Variants in BORCS5 observed in about 807,000 individuals in gnomAD.
BORCS5 encodes BLOC-1-related complex subunit 5.
In BORCS5, 17 loss-of-function variants were observed where a neutral mutation model predicts 22.1. That is an observed-to-expected ratio of 0.77 (90% CI 0.53 to 1.15). The LOEUF is 1.15. BORCS5 is among the 50% of genes most tolerant of loss of function. The pLI, the probability that BORCS5 is intolerant of heterozygous loss-of-function variation, is 0.00. For missense variants in BORCS5, 247 were observed against 253.2 expected (o/e 0.98, Z 0.17); for synonymous variants, 117 against 99.8 (o/e 1.17, Z -1.03).
At chr12:12,436,991 G>A (rs1459993888) in intron 3 of BORCS5, among the ~76,000 whole-genome samples, 1 of 152,140 alleles carries the variant, frequency 6.6e-6, no homozygotes, top group Non-Finnish European at 1.5e-5. Context: ...CATCATGTGA[G>A]TTTTTTGTTT....
chr12:12,452,741 G>T (rs1336793473), intron 3 of BORCS5, among the ~76,000 whole-genome samples: 1 of 152,246 alleles, frequency 6.6e-6, no homozygotes, highest in Non-Finnish European at 1.5e-5. Context: ...TGTCCATTGT[G>T]CTAGAGAGAG....
intron 3 of BORCS5, among the ~76,000 whole-genome samples, chr12:12,438,379 A>T (rs796584496): frequency 8.2e-6 from 1 of 121,500 alleles, no homozygotes. Context: ...AAAAAAAAAA[A>T]ACGAAAAACA....
chr12:12,415,442 CGGCAGGCT>C (rs1161953641), intron 2 of BORCS5, among the ~76,000 whole-genome samples: 232 of 150,566 alleles, frequency 1.5e-3, no homozygotes, highest in African/African-American at 5.3e-3. Flanking sequence ...CGCAGGCACT[CGGCAGGCT>C]GAGGCAGGAG....
intron 2 of BORCS5, among the ~76,000 whole-genome samples, chr12:12,394,459 CCTGTTTCTTGG>C (rs1183092062): frequency 6.6e-6 from 1 of 151,834 alleles, no homozygotes. Context: ...TTTGGTTTTC[CCTGTTTCTTGG>C]CTGTTCAGGG....
intron 2 of BORCS5, among the ~76,000 whole-genome samples, chr12:12,425,529 G>C (rs1166525546): frequency 1.3e-5 from 2 of 152,150 alleles, no homozygotes; most frequent in East Asian, 1.9e-4. Context: ...CCATTGTTTG[G>C]ATAATAGCCA....
intron 2 of BORCS5, among the ~76,000 whole-genome samples, chr12:12,374,266 C>T (rs1040234685): frequency 6.6e-6 from 1 of 151,802 alleles, no homozygotes; most frequent in African/African-American, 2.4e-5. Flanking sequence ...GCTGGGATTG[C>T]AGGTGTGAGC....
At chr12:12,400,643 T>C (rs564588076) in intron 2 of BORCS5, among the ~76,000 whole-genome samples, 5 of 152,154 alleles carry the variant, frequency 3.3e-5, no homozygotes, top group African/African-American at 9.6e-5. Context: ...TGTCATATTT[T>C]AATATTTTGC....
chr12:12,404,684 C>CT (rs1212236910), intron 2 of BORCS5, among the ~76,000 whole-genome samples: 1 of 152,144 alleles, frequency 6.6e-6, no homozygotes, highest in Non-Finnish European at 1.5e-5. Context: ...TGGAGAACTA[C>CT]TTTTTTGTTT....
Position 12,357,469 on chromosome 12 carries a change from C to G in BORCS5, c.18C>G (p.Ser6Arg). 1 of 1,611,338 alleles carries G rather than the reference C, an allele frequency of 6.2e-7. No homozygotes were observed. The highest frequency in any genetic ancestry group is 1.1e-5 in the South Asian group (1 of 91,014). Reference protein sequence around the residue: MGSEQSSEAESRPNDL... With the variant: MGSEQRSEAESRPNDL... ...TCGGCACCATGGGCAGTGAGCAGAG[C>G]TCCGAGGCCGAGAGCCGACCCAACG... Residue 6 changes from serine to arginine, a missense_variant, in exon 1 of 4, where the codon AGC (serine) becomes AGG (arginine). Transcript: ENST00000314565.
intron 3 of BORCS5, among the ~76,000 whole-genome samples, chr12:12,441,091 TGAGA>T (rs1233221960): frequency 6.6e-6 from 1 of 152,124 alleles, no homozygotes; most frequent in Non-Finnish European, 1.5e-5. Flanking sequence ...ACATCTGTTC[TGAGA>T]GAACAGGGAG....
At chr12:12,389,674 C>T (rs1011989670) in intron 2 of BORCS5, among the ~76,000 whole-genome samples, 3 of 151,180 alleles carry the variant, frequency 2.0e-5, no homozygotes, top group Middle Eastern at 3.2e-3. Flanking sequence ...GACAGAGTCT[C>T]GCTCTGTCGC....
At chr12:12,361,112 A>G in intron 1 of BORCS5, 94 bp from the exon 2 acceptor site, 2 of 1,258,654 alleles carry the variant, frequency 1.6e-6, no homozygotes, top group Non-Finnish European at 2.3e-6. Context: ...TACATTTTAT[A>G]AAATTATTCT....
intron 3 of BORCS5, among the ~76,000 whole-genome samples, chr12:12,438,373 AAAAAAAACGAAAAACAAC>A (rs1007851514): frequency 7.7e-6 from 1 of 129,620 alleles, no homozygotes; most frequent in African/African-American, 3.7e-5. Context: ...AAAAAAAAAA[AAAAAAAACGAAAAACAAC>A]AACAAAAACC....
intron 2 of BORCS5, among the ~76,000 whole-genome samples, chr12:12,425,569 T>A (rs115977414): frequency 6.6e-6 from 1 of 152,332 alleles, no homozygotes; most frequent in African/African-American, 2.4e-5. Context: ...TCTCATTGTG[T>A]TTTGTATTTC....
At chr12:12,382,892 G>A (rs1863804892) in intron 2 of BORCS5, among the ~76,000 whole-genome samples, 1 of 151,198 alleles carries the variant, frequency 6.6e-6, no homozygotes, top group Non-Finnish European at 1.5e-5. Context: ...AATCTAAGGT[G>A]TGTCTTTTGT....
intron 2 of BORCS5, among the ~76,000 whole-genome samples, chr12:12,419,174 C>G (rs1942050287): frequency 6.6e-6 from 1 of 152,134 alleles, no homozygotes; most frequent in Non-Finnish European, 1.5e-5. Flanking sequence ...AGATATTTCT[C>G]CTAATGCTAT....
chr12:12,420,581 G>A (rs1167762422), intron 2 of BORCS5, among the ~76,000 whole-genome samples: 2 of 152,218 alleles, frequency 1.3e-5, no homozygotes, highest in Non-Finnish European at 2.9e-5. Context: ...ATTCTGTGAA[G>A]AAAGTCATTG....
chr12:12,459,743 CT>C (rs1318598130), intron 3 of BORCS5, among the ~76,000 whole-genome samples: 1 of 152,178 alleles, frequency 6.6e-6, no homozygotes, highest in African/African-American at 2.4e-5. Context: ...CAGGTTCATT[CT>C]TTCTCTTTGT....
At chr12:12,445,529 C>CT (rs56356376) in intron 3 of BORCS5, among the ~76,000 whole-genome samples, 879 of 39,002 alleles carry the variant, frequency 0.023, 11 homozygotes, top group Non-Finnish European at 0.029. Context: ...TTTGAAATAC[C>CT]TTTTTTTTTT....
Sources: gnomAD v4.1 joint callset for allele counts (sites outside exome capture counted in the v4.1 genomes callset) on GRCh38, gnomAD v4.1.1 for gene constraint, MANE v1.5 for transcripts, NCBI Gene and HGNC (gene_info 2026-07-23, HGNC 2026-07-21) for gene names.